ATP10B: variants seen among roughly 807,000 people sequenced by gnomAD.
ATP10B encodes ATPase phospholipid transporting 10B (putative).
ATP10B carries 122 observed loss-of-function variants against 141.2 expected under a neutral mutation model. The observed-to-expected ratio is 0.86, with a 90% CI of 0.75 to 1.00. The LOEUF is 1.00. Ranked by LOEUF, ATP10B falls within the 50% of genes least tolerant of loss-of-function variation. The probability of loss-of-function intolerance (pLI) is 0.00; values close to 1 mark genes in which losing one functional copy is unlikely to be tolerated. For synonymous variants in ATP10B, 685 were observed against 692.0 expected (o/e 0.99, Z 0.16); for missense variants, 1,876 against 1,825.3 (o/e 1.03, Z -0.51).
chr5:160,893,841 G>A, the ATP10B span, among the ~76,000 whole-genome samples: 2 of 152,184 alleles, frequency 1.3e-5, no homozygotes, highest in Non-Finnish European at 2.9e-5. Flanking sequence ...AGTTTCCAGA[G>A]GAAGAACACA....
chr5:160,876,588 A>T, the ATP10B span, among the ~76,000 whole-genome samples: 4 of 151,340 alleles, frequency 2.6e-5, no homozygotes, highest in African/African-American at 9.7e-5. Context: ...AAAATTAATG[A>T]ATCCAGAAGC....
intron 1 of ATP10B, among the ~76,000 whole-genome samples, chr5:160,815,190 G>T (rs111871600): frequency 6.6e-6 from 1 of 152,100 alleles, no homozygotes; most frequent in Non-Finnish European, 1.5e-5. Flanking sequence ...ACACAGACTG[G>T]CAAATTGGAT....
intron 2 of ATP10B, among the ~76,000 whole-genome samples, chr5:160,780,803 G>C (rs1463248091): frequency 6.6e-6 from 1 of 152,130 alleles, no homozygotes; most frequent in Admixed American, 6.5e-5. Context: ...CTACATTCTA[G>C]GGAGGCTTTT....
intron 2 of ATP10B, among the ~76,000 whole-genome samples, chr5:160,744,377 C>T (rs565929485): frequency 2.0e-5 from 3 of 152,272 alleles, no homozygotes; most frequent in East Asian, 1.9e-4. Context: ...CTCCCTTTCC[C>T]GGAGACAGCA....
the ATP10B span, among the ~76,000 whole-genome samples, chr5:160,863,255 T>C: frequency 1.9e-3 from 289 of 152,094 alleles, 1 homozygote; most frequent in African/African-American, 6.6e-3. Context: ...GTTAATTGAA[T>C]GGTTGTCTGA....
upstream of ATP10B, among the ~76,000 whole-genome samples, chr5:160,854,060 A>G (rs1266528629): frequency 6.6e-6 from 1 of 152,166 alleles, no homozygotes; most frequent in Non-Finnish European, 1.5e-5. Context: ...TAGTCAATTA[A>G]AGAAGCAATG....
chr5:160,793,285 A>G (rs891687642), intron 1 of ATP10B, among the ~76,000 whole-genome samples: 1 of 152,112 alleles, frequency 6.6e-6, no homozygotes, highest in Non-Finnish European at 1.5e-5. Context: ...ACTATTAACA[A>G]TAAAATGCCT....
the ATP10B span, among the ~76,000 whole-genome samples, chr5:160,923,913 G>T: frequency 6.6e-6 from 1 of 152,328 alleles, no homozygotes; most frequent in African/African-American, 2.4e-5. Flanking sequence ...CAACAGGATT[G>T]GTGTTCAAAA....
At chr5:160,589,328 T>G (rs1756118744) in intron 24 of ATP10B, among the ~76,000 whole-genome samples, 1 of 152,198 alleles carries the variant, frequency 6.6e-6, no homozygotes, top group Admixed American at 6.5e-5. Context: ...CTGAACTTTT[T>G]ATCAATTATC....
chr5:160,705,905 T>A (rs1048569710), intron 3 of ATP10B, among the ~76,000 whole-genome samples: 2 of 152,166 alleles, frequency 1.3e-5, no homozygotes, highest in Non-Finnish European at 2.9e-5. Context: ...TGATTTAAAG[T>A]GAGGGACATT....
chr5:160,585,947 A>G (rs1248773442), intron 24 of ATP10B, among the ~76,000 whole-genome samples: 2 of 152,100 alleles, frequency 1.3e-5, no homozygotes, highest in African/African-American at 2.4e-5. Context: ...ATTGGTACAC[A>G]TTGGAGCAGG....
chr5:160,679,435 T>A (rs144181233), intron 6 of ATP10B, among the ~76,000 whole-genome samples: 1 of 152,388 alleles, frequency 6.6e-6, no homozygotes, highest in African/African-American at 2.4e-5. Flanking sequence ...AGGAACAGGC[T>A]GTGAGCTGAA....
chr5:160,590,943 T>C (rs1273544306), intron 23 of ATP10B, 116 bp downstream of exon 23: 7 of 793,700 alleles, frequency 8.8e-6, no homozygotes, highest in Admixed American at 2.8e-5. Flanking sequence ...GCAGGCTACC[T>C]GTTTGAGCCT....
chr5:160,615,761 C>A (rs779877585), intron 17 of ATP10B, 77 bp downstream of exon 17: 32 of 1,559,588 alleles, frequency 2.1e-5, no homozygotes, highest in Non-Finnish European at 2.6e-5. Context: ...TTAGTAGTGT[C>A]AGAATCGGGG....
chr5:160,584,886 C>T (rs973424985), intron 24 of ATP10B, among the ~76,000 whole-genome samples: 5 of 152,176 alleles, frequency 3.3e-5, no homozygotes, highest in East Asian at 1.9e-4. Flanking sequence ...AAGACAATTA[C>T]TCCATTGTCT....
Position 160,573,373 on chromosome 5 carries a change from A to G in ATP10B, c.3751-3690T>C, listed in dbSNP as rs774414586. ...ATCTGTTATTTAAGCCACCCAGTCT[A>G]TGGTATTTGTTATGACAGCCTGAGA... is the stretch of plus-strand genomic sequence containing the variant. On this transcript the variant is annotated intron_variant, in intron 24 of 25. Coordinates refer to ENST00000327245, the MANE Select transcript of ATP10B (RefSeq NM_025153.3). 2.6e-5 allele frequency among the ~76,000 whole-genome samples: 4 copies of G among 152,316 alleles called. 1 individual carries two copies. The highest frequency in any genetic ancestry group is 4.8e-5 in the African/African-American group (2 of 41,576).
chr5:160,610,397 C>T (rs1270920115), intron 18 of ATP10B, among the ~76,000 whole-genome samples: 2 of 152,030 alleles, frequency 1.3e-5, no homozygotes, highest in East Asian at 1.9e-4. Flanking sequence ...CCTGTTGAGC[C>T]GTCAGATGAG....
rs188007673 is a variant in ATP10B at position 160,762,420 on chromosome 5, C to T, written c.-331+23139G>A. ...GGGGTCCTATCGTTAGCCTCCTTAA[C>T]AAATAATTATCAGCCAAGAATTTTG... On this transcript the variant is annotated intron_variant, in intron 2 of 25. Coordinates refer to ENST00000327245, the MANE Select transcript of ATP10B (RefSeq NM_025153.3). Among the ~76,000 whole-genome samples the T allele has an allele frequency of 1.1e-4, 16 of 152,208 alleles. No individual in the cohort carries two copies. The East Asian group carries it at 2.7e-3, about 26-fold the overall frequency.
At chr5:160,622,689 T>C in intron 13 of ATP10B, 104 bp from the exon 14 acceptor site, 3 of 1,087,590 alleles carry the variant, frequency 2.8e-6, no homozygotes, top group Non-Finnish European at 3.9e-6. Context: ...CATTGCAGTC[T>C]TGCATCCAGC....
Sources: allele counts gnomAD v4.1 joint callset (sites outside exome capture counted in the v4.1 genomes callset), GRCh38; gene constraint gnomAD v4.1.1; transcripts MANE v1.5; gene names NCBI Gene and HGNC (gene_info 2026-07-23, HGNC 2026-07-21).